Variants in PWWP3B observed in about 807,000 individuals in gnomAD.
PWWP3B encodes the protein PWWP domain containing 3B.
In PWWP3B, 5 loss-of-function variants were observed where a neutral mutation model predicts 15.7. That is an observed-to-expected ratio of 0.32 (90% CI 0.17 to 0.67). The LOEUF (loss-of-function observed/expected upper bound fraction) is 0.67, where lower values mean the gene tolerates loss of function less well. Ranked by LOEUF, PWWP3B falls within the 30% of genes least tolerant of loss-of-function variation. The pLI is 0.74. For synonymous variants in PWWP3B, 203 were observed against 179.8 expected (o/e 1.13, Z -1.03); for missense variants, 519 against 493.1 (o/e 1.05, Z -0.50).
intron 2 of PWWP3B, among the ~76,000 whole-genome samples, chrX:106,187,953 A>G (rs1922620887): frequency 8.9e-6 from 1 of 112,040 alleles, no homozygotes; most frequent in African/African-American, 3.2e-5. Flanking sequence ...TCTTAACTAT[A>G]TCATTATCTC....
intron 2 of PWWP3B, among the ~76,000 whole-genome samples, chrX:106,193,160 T>A (rs965273444): frequency 9.0e-6 from 1 of 111,354 alleles, no homozygotes; most frequent in Non-Finnish European, 1.9e-5. Flanking sequence ...CCCATTATTA[T>A]TGTGTGGGAG....
At position 106,175,910 on chromosome X, in the gene PWWP3B, GT is replaced by G. The variant is rs1363786854; in HGVS notation, c.-401+4775del. The stretch of plus-strand genomic sequence containing the variant: ...TTTAATCTTTATTTTGAATATTTGG[GT>G]TTTGAGGAGTCCCGATATATAGCAC... On this transcript the variant is annotated intron_variant, in intron 2 of 3. Coordinates refer to ENST00000357175, the MANE Select transcript of PWWP3B (RefSeq NM_001171020.2). 2.7e-5 allele frequency among the ~76,000 whole-genome samples: 3 copies of G among 110,664 alleles called. No individual in the cohort carries two copies. In the East Asian group the frequency reaches 8.5e-4, roughly 31 times the overall value.
chrX:106,181,263 G>T (rs1014828803), intron 2 of PWWP3B, among the ~76,000 whole-genome samples: 1 of 111,739 alleles, frequency 8.9e-6, no homozygotes, highest in African/African-American at 3.3e-5. Flanking sequence ...CCACAGCGTG[G>T]AAGGGGACCC....
chrX:106,184,460 A>T (rs1435971820), intron 2 of PWWP3B, among the ~76,000 whole-genome samples: 1 of 111,201 alleles, frequency 9.0e-6, no homozygotes, highest in African/African-American at 3.3e-5. Flanking sequence ...AGGTCAACAG[A>T]TGTTTGCAAT....
chrX:106,200,603 G>C (rs1182298265), intron 2 of PWWP3B, among the ~76,000 whole-genome samples: 2 of 111,280 alleles, frequency 1.8e-5, no homozygotes, highest in Non-Finnish European at 3.8e-5. Flanking sequence ...GACTTTCTGA[G>C]TTAAATCAGA....
rs149316701 is a variant in PWWP3B at position 106,184,977 on chromosome X, T to C, written c.-401+13838T>C. On this transcript the variant is annotated intron_variant, in intron 2 of 3. Coordinates refer to ENST00000357175, the MANE Select transcript of PWWP3B (RefSeq NM_001171020.2). ...GGGGAGCTGTAGAAAGGCTAGTATA[T>C]GGAGGTAAGCTGAGAGGTTCTGCTG... is the stretch of plus-strand genomic sequence containing the variant. Among the ~76,000 whole-genome samples the C allele has an allele frequency of 3.0e-4, 33 of 111,484 alleles. 1 individual carries two copies. The highest frequency in any genetic ancestry group is 7.7e-4 in the South Asian group (2 of 2,589).
Position 106,190,906 on chromosome X carries a change from C to A in PWWP3B, c.-400-13079C>A, listed in dbSNP as rs1285930430. Among the ~76,000 whole-genome samples the A allele has an allele frequency of 2.7e-5, 3 of 111,138 alleles. No individual in the cohort carries two copies. In the Admixed American group the frequency reaches 2.9e-4, roughly 11 times the overall value. ...TCTGTTCTGTTCCATTGGTCTATAT[C>A]TCTGTTTTGGTACCAGTACCATGCT... On this transcript the variant is annotated intron_variant, in intron 2 of 3. Transcript: ENST00000357175.
chrX:106,183,974 T>C (rs758105162), intron 2 of PWWP3B, among the ~76,000 whole-genome samples: 55 of 111,999 alleles, frequency 4.9e-4, no homozygotes, highest in South Asian at 1.1e-3. Context: ...TGTTTCTTGT[T>C]GGACAATCTT....
chrX:106,194,303 G>A (rs759969270), intron 2 of PWWP3B, among the ~76,000 whole-genome samples: 14 of 110,763 alleles, frequency 1.3e-4, no homozygotes, highest in East Asian at 2.8e-4. Flanking sequence ...GTCTTCCATC[G>A]CTGATACCCT....
chrX:106,207,356 C>T lies in PWWP3B; in HGVS notation c.1924C>T (p.Pro642Ser), dbSNP rs748154643. Residue 642 changes from proline (P) to serine (S), a missense_variant, in exon 4 of 4, where the codon CCA becomes TCA. By Grantham distance (74) the Pro-to-Ser change is moderately conservative. Transcript: ENST00000357175. ...KIKFILEVLLPEAIICSISAV... is the reference protein window; with the variant it reads ...KIKFILEVLLSEAIICSISAV... ...TAAATTTATCCTAGAAGTTCTTCTG[C>T]CAGAAGCAATTATTTGTTCAATTTC... is the stretch of plus-strand genomic sequence containing the variant. 1 of 1,186,219 alleles carries T rather than the reference C, an allele frequency of 8.4e-7. No individual in the cohort carries two copies. Among genetic ancestry groups the T allele is most frequent in the East Asian group, 3.1e-5 (1 of 32,674 alleles).
Position 106,205,312 on chromosome X carries a change from A to G in PWWP3B, c.-121A>G. 1.5e-6 allele frequency: 1 copy of G among 679,622 alleles called. No individual in the cohort carries two copies. The highest frequency in any genetic ancestry group is 2.1e-6 in the Non-Finnish European group (1 of 471,161). 56.0% of individuals were successfully genotyped at this position (679,622 alleles called of 1,213,427 possible). ...GCCACACAAGCTGTAAACCCTTTGT[A>G]GTCATAAGACGAAAGAGGATTTGTT... On this transcript the variant is annotated 5_prime_UTR_variant, in exon 4 of 4. Coordinates refer to ENST00000357175, the MANE Select transcript of PWWP3B (RefSeq NM_001171020.2).
At chrX:106,184,336 C>T (rs1226025013) in intron 2 of PWWP3B, among the ~76,000 whole-genome samples, 3 of 111,372 alleles carry the variant, frequency 2.7e-5, no homozygotes, top group African/African-American at 9.8e-5. Context: ...CTTAAGGCCT[C>T]CCATAGCCGC....
chrX:106,192,983 G>A (rs1230034340), intron 2 of PWWP3B, among the ~76,000 whole-genome samples: 3 of 111,412 alleles, frequency 2.7e-5, no homozygotes, highest in Admixed American at 9.5e-5. Context: ...ATTTTGGAGT[G>A]GGTGTGATGT....
At chrX:106,171,721 G>T (rs750551098) in intron 2 of PWWP3B, among the ~76,000 whole-genome samples, 9 of 109,237 alleles carry the variant, frequency 8.2e-5, no homozygotes, top group Admixed American at 2.9e-4. Context: ...ATATGGTATA[G>T]CCTATTGCTC....
intron 2 of PWWP3B, among the ~76,000 whole-genome samples, chrX:106,193,828 G>A (rs1923176959): frequency 9.0e-6 from 1 of 111,695 alleles, no homozygotes; most frequent in African/African-American, 3.3e-5. Context: ...TGAGATTCTG[G>A]GTTGAAAATT....
rs1402202517 is a variant in PWWP3B at position 106,196,539 on chromosome X, T to C, written c.-400-7446T>C. On this transcript the variant is annotated intron_variant, in intron 2 of 3. Transcript: ENST00000357175. ...GTTGTTAATGCTTTTTCTGTAAAAA[T>C]TGAGATGATTTTTTTTCTCCATTTT... 4.5e-5 allele frequency among the ~76,000 whole-genome samples: 5 copies of C among 111,978 alleles called. 1 individual carries two copies. The Admixed American group carries it at 4.7e-4, about 11-fold the overall frequency.
intron 2 of PWWP3B, among the ~76,000 whole-genome samples, chrX:106,197,125 C>T (rs763017075): frequency 1.8e-5 from 2 of 111,873 alleles, no homozygotes; most frequent in Non-Finnish European, 3.8e-5. Flanking sequence ...AAGGCTTTCT[C>T]ATCATTCTTT....
intron 2 of PWWP3B, among the ~76,000 whole-genome samples, chrX:106,187,183 C>T (rs1922569485): frequency 8.9e-6 from 1 of 111,933 alleles, no homozygotes; most frequent in African/African-American, 3.3e-5. Context: ...GATGGGTCTT[C>T]CTTCTTGCTT....
intron 2 of PWWP3B, among the ~76,000 whole-genome samples, chrX:106,199,571 T>C (rs777789675): frequency 2.6e-3 from 287 of 110,750 alleles, no homozygotes; most frequent in Middle Eastern, 9.4e-3. Context: ...AAAGGCTGCC[T>C]GAACTCTCTA....
Sources: allele counts gnomAD v4.1 joint callset (sites outside exome capture counted in the v4.1 genomes callset), GRCh38; gene constraint gnomAD v4.1.1; transcripts MANE v1.5; gene names NCBI Gene and HGNC (gene_info 2026-07-23, HGNC 2026-07-21).